Variants in MLIP observed in about 807,000 individuals in gnomAD.
MLIP encodes muscular LMNA-interacting protein.
In MLIP, 79 loss-of-function variants were observed where a neutral mutation model predicts 84.8. The observed-to-expected ratio is 0.93, with a 90% CI of 0.78 to 1.12. MLIP has a LOEUF of 1.12. MLIP is among the 50% of genes most tolerant of loss of function. The pLI is 0.00. For missense variants in MLIP, 1,257 were observed against 1,160.6 expected (o/e 1.08, Z -1.21); for synonymous variants, 504 against 463.0 (o/e 1.09, Z -1.14).
chr6:54,056,418 G>A (rs1048414654), intron 1 of MLIP, among the ~76,000 whole-genome samples: 5 of 152,086 alleles, frequency 3.3e-5, no homozygotes, highest in Non-Finnish European at 7.4e-5. Flanking sequence ...CTCATTTTTG[G>A]GAAGATGTTG....
At chr6:54,171,697 G>T (rs1051135327) in intron 9 of MLIP, among the ~76,000 whole-genome samples, 7 of 151,004 alleles carry the variant, frequency 4.6e-5, no homozygotes, top group Admixed American at 2.0e-4. Context: ...AATATGTTCT[G>T]TTTTTTTAAA....
At chr6:54,144,646 C>G (rs1332758442) in intron 4 of MLIP, among the ~76,000 whole-genome samples, 1 of 152,208 alleles carries the variant, frequency 6.6e-6, no homozygotes, top group Non-Finnish European at 1.5e-5. Flanking sequence ...GTCATACACG[C>G]TCACCTGCTG....
At chr6:54,258,908 T>G (rs1009522091) in intron 13 of MLIP, among the ~76,000 whole-genome samples, 6 of 151,952 alleles carry the variant, frequency 3.9e-5, no homozygotes, top group Non-Finnish European at 8.8e-5. Context: ...CTGTCTGGTA[T>G]CTAAATTAAT....
At chr6:54,021,147 A>G (rs1763478791) in intron 1 of MLIP, among the ~76,000 whole-genome samples, 2 of 152,228 alleles carry the variant, frequency 1.3e-5, no homozygotes. Flanking sequence ...GTTAATACCA[A>G]TGTAACACAG....
At chr6:54,060,883 C>T (rs1285538395) in intron 1 of MLIP, among the ~76,000 whole-genome samples, 1 of 151,774 alleles carries the variant, frequency 6.6e-6, no homozygotes, top group Admixed American at 6.6e-5. Context: ...AATGCACAGC[C>T]CCCAACAATG....
chr6:54,136,624 ATTGT>A (rs1484841030), intron 3 of MLIP, 87 bp from the exon 4 acceptor site: 5 of 1,241,644 alleles, frequency 4.0e-6, no homozygotes, highest in African/African-American at 1.5e-5. Context: ...TTTTGTGTAA[ATTGT>A]TTGTATAATC....
At chr6:54,254,619 T>C (rs1782865008) in intron 12 of MLIP, among the ~76,000 whole-genome samples, 2 of 152,206 alleles carry the variant, frequency 1.3e-5, no homozygotes, top group South Asian at 4.2e-4. Flanking sequence ...AATAGCAACA[T>C]ATCTACCCTC....
chr6:54,124,860 G>A lies in MLIP; in HGVS notation c.640G>A (p.Gly214Arg), dbSNP rs749849105. Residue 214 changes from glycine to arginine, a missense_variant, in exon 3 of 14, where the codon GGG (glycine) becomes AGG (arginine). Coordinates refer to ENST00000502396, the MANE Select transcript of MLIP (RefSeq NM_001281747.2). Reference protein sequence around the residue: ...LHGMAPQQKHGQLTSSPTTSE... With the variant: ...LHGMAPQQKHRQLTSSPTTSE... Reference sequence around the variant, plus strand: ...TGGGATGGCCCCTCAGCAAAAGCATGGGCAGGTAGGTTTTGTGTTCCTGCT... The same window carrying A: ...TGGGATGGCCCCTCAGCAAAAGCATAGGCAGGTAGGTTTTGTGTTCCTGCT... 1 of 1,577,742 alleles carries A rather than the reference G, an allele frequency of 6.3e-7. No individual in the cohort carries two copies. The highest frequency in any genetic ancestry group is 8.6e-7 in the Non-Finnish European group (1 of 1,163,036).
chr6:54,198,248 G>A (rs1446059119), intron 10 of MLIP, among the ~76,000 whole-genome samples: 1 of 152,136 alleles, frequency 6.6e-6, no homozygotes, highest in African/African-American at 2.4e-5. Flanking sequence ...AGGTTCTCAG[G>A]TGATGCTGAT....
At chr6:54,130,372 G>A (rs867572570) in intron 3 of MLIP, among the ~76,000 whole-genome samples, 7 of 152,058 alleles carry the variant, frequency 4.6e-5, no homozygotes, top group Non-Finnish European at 1.0e-4. Context: ...GGGAGGTAAC[G>A]ACTGAATCAG....
chr6:54,239,727 C>T (rs1348912904), intron 12 of MLIP, among the ~76,000 whole-genome samples: 1 of 151,584 alleles, frequency 6.6e-6, no homozygotes, highest in Non-Finnish European at 1.5e-5. Flanking sequence ...GTGGAGGTTG[C>T]AGTGAGGCAG....
intron 10 of MLIP, among the ~76,000 whole-genome samples, chr6:54,195,973 G>C (rs1778266500): frequency 6.6e-6 from 1 of 152,090 alleles, no homozygotes; most frequent in Non-Finnish European, 1.5e-5. Flanking sequence ...CTCTTTCCTT[G>C]ACTTTCTGAA....
At chr6:54,202,040 C>A in intron 10 of MLIP, 65 bp from the exon 11 acceptor site, 1 of 1,174,938 alleles carries the variant, frequency 8.5e-7, no homozygotes, top group Non-Finnish European at 1.1e-6. Flanking sequence ...TAACAATAAA[C>A]ATATTTGTTC....
At chr6:54,120,463 C>T (rs1191410893) in intron 1 of MLIP, among the ~76,000 whole-genome samples, 1 of 152,048 alleles carries the variant, frequency 6.6e-6, no homozygotes, top group Non-Finnish European at 1.5e-5. Context: ...GGTTTCAAAC[C>T]CCTGATCTCA....
intron 5 of MLIP, among the ~76,000 whole-genome samples, chr6:54,152,312 G>A (rs940821722): frequency 2.0e-5 from 3 of 152,106 alleles, no homozygotes; most frequent in African/African-American, 7.2e-5. Flanking sequence ...GATAAAATAA[G>A]TTGATATGGA....
At position 54,213,734 on chromosome 6, in the gene MLIP, A is replaced by AAAAAAAAC. The variant is rs368508685; in HGVS notation, c.2718+11503_2718+11504insAAAAACAA. On this transcript the variant is annotated intron_variant, in intron 11 of 13. Coordinates refer to ENST00000502396, the MANE Select transcript of MLIP (RefSeq NM_001281747.2). ...AAAAAAAAAAAAAAAAAAAAAAAAA[A>AAAAAAAAC]AACAACAAACAGCATATCTTGTATG... Among the ~76,000 whole-genome samples, 9 of 82,362 alleles carry AAAAAAAAC rather than the reference A, an allele frequency of 1.1e-4. 2 individuals carry two copies. The highest frequency in any genetic ancestry group is 2.2e-4 in the African/African-American group (5 of 22,300). The allele number at this position is 82,362 out of a possible 152,430, so 54.0% of individuals were successfully genotyped here.
intron 12 of MLIP, among the ~76,000 whole-genome samples, chr6:54,238,409 A>G (rs1781505159): frequency 6.6e-6 from 1 of 152,172 alleles, no homozygotes; most frequent in Admixed American, 6.5e-5. Context: ...TACTTTCAGT[A>G]TTCCCACTTA....
rs1766146273 is a variant in MLIP, at chr6:54,064,405, A to G, written c.63+45314A>G. Among the ~76,000 whole-genome samples the G allele has an allele frequency of 2.0e-5, 2 of 99,940 alleles. 1 individual carries two copies. The highest frequency in any genetic ancestry group is 1.9e-4 in the Admixed American group (2 of 10,610). The allele number at this position is 99,940 out of a possible 152,430, so 65.6% of individuals were successfully genotyped here. A position where few individuals can be genotyped will look rare whatever the true frequency, so the allele number is the denominator to read the frequency against. ...CTTATTTAATTTATTGGCACAGTAA[A>G]GAAGACTATGTGATACAAGAATCTC... On this transcript the variant is annotated intron_variant, in intron 1 of 12. Coordinates refer to the MLIP transcript ENST00000274897.
chr6:54,214,307 C>T (rs1779697719), intron 11 of MLIP, among the ~76,000 whole-genome samples: 1 of 152,228 alleles, frequency 6.6e-6, no homozygotes, highest in South Asian at 2.1e-4. Context: ...ACCAGACTAG[C>T]CACAGGGGAA....
Sources: gnomAD v4.1 joint callset for allele counts (sites outside exome capture counted in the v4.1 genomes callset) on GRCh38, gnomAD v4.1.1 for gene constraint, MANE v1.5 for transcripts, NCBI Gene and HGNC (gene_info 2026-07-23, HGNC 2026-07-21) for gene names.